PIEZO2: variants seen among roughly 807,000 people sequenced by gnomAD.
The protein encoded by PIEZO2 is piezo type mechanosensitive ion channel component 2.
In PIEZO2, 172 loss-of-function variants were observed where a neutral mutation model predicts 337.3. That is an observed-to-expected ratio of 0.51 (90% confidence interval 0.45 to 0.58). The LOEUF is 0.58. Among genes scored for constraint, PIEZO2 ranks in the 20% least tolerant of loss-of-function variants. The probability of loss-of-function intolerance (pLI) is 0.00; values close to 1 mark genes in which losing one functional copy is unlikely to be tolerated. For missense variants in PIEZO2, 3,028 were observed against 3,391.3 expected, an observed-to-expected ratio of 0.89 and a Z score of 2.66; for synonymous variants, 1,251 against 1,228.5, an observed-to-expected ratio of 1.02 and a Z score of -0.38.
At chr18:10,801,331 A>G (rs951460681) in intron 10 of PIEZO2, 59 bp downstream of exon 10, 1 of 1,379,494 alleles carries the variant, frequency 7.2e-7, no homozygotes, top group Non-Finnish European at 9.8e-7. Context: ...AGCTACTTCC[A>G]TTTGTTGCCT....
At chr18:10,897,958 G>A (rs1320609118) in intron 4 of PIEZO2, among the ~76,000 whole-genome samples, 1 of 152,202 alleles carries the variant, frequency 6.6e-6, no homozygotes, top group Non-Finnish European at 1.5e-5. Flanking sequence ...AGGTAGGCTG[G>A]TGCAAGCTCC....
At chr18:10,814,418 T>G (rs1363414838) in intron 7 of PIEZO2, among the ~76,000 whole-genome samples, 1 of 152,132 alleles carries the variant, frequency 6.6e-6, no homozygotes, top group Non-Finnish European at 1.5e-5. Flanking sequence ...CTAGAGGAAA[T>G]GTATTTTAAT....
At chr18:10,911,580 C>T (rs2030480181) in intron 3 of PIEZO2, among the ~76,000 whole-genome samples, 1 of 152,022 alleles carries the variant, frequency 6.6e-6, no homozygotes, top group Non-Finnish European at 1.5e-5. Flanking sequence ...CATGGTGAAA[C>T]CCTGTCTCAA....
intron 3 of PIEZO2, among the ~76,000 whole-genome samples, chr18:10,919,622 G>T (rs1315064641): frequency 6.6e-6 from 1 of 152,066 alleles, no homozygotes; most frequent in Non-Finnish European, 1.5e-5. Flanking sequence ...TCTCATCTAT[G>T]CATGGAGGGT....
intron 7 of PIEZO2, among the ~76,000 whole-genome samples, chr18:10,808,074 A>G (rs1387511091): frequency 6.6e-6 from 1 of 151,998 alleles, no homozygotes; most frequent in Non-Finnish European, 1.5e-5. Flanking sequence ...ATACCTTTCT[A>G]CTGTTTGCAT....
intron 18 of PIEZO2, among the ~76,000 whole-genome samples, chr18:10,779,697 T>C (rs2038911716): frequency 6.6e-6 from 1 of 152,248 alleles, no homozygotes; most frequent in Non-Finnish European, 1.5e-5. Flanking sequence ...GTGACTACTT[T>C]CTTTTCATTT....
chr18:10,714,941 T>C lies in PIEZO2; in HGVS notation c.5257-11A>G. ...AGTTGGAACATTGCCCTGAGGAGAATGAGACATTGCCACAGTTCTTATGGA... is the reference window on the plus strand; with the variant it reads ...AGTTGGAACATTGCCCTGAGGAGAACGAGACATTGCCACAGTTCTTATGGA... On this transcript the variant is annotated splice_polypyrimidine_tract_variant and intron_variant, in intron 38 of 55. Transcript: ENST00000674853. 6.5e-7 allele frequency: 1 copy of C among 1,536,430 alleles called. No individual in the cohort carries two copies. The highest frequency in any genetic ancestry group is 8.7e-7 in the Non-Finnish European group (1 of 1,146,394).
Position 11,146,934 on chromosome 18 carries a change from C to G in PIEZO2, c.64+1591G>C, listed in dbSNP as rs567109947. 6.6e-6 allele frequency among the ~76,000 whole-genome samples: 1 copy of G among 152,292 alleles called. No homozygotes were observed. The highest frequency in any genetic ancestry group is 1.9e-4 in the East Asian group (1 of 5,172). Reference sequence around the variant, plus strand: ...GGCCTTTAACCTTAGTGCCACTCCCCAGGACCCCTCCCCGGTCTGCACTGA... The same window carrying G: ...GGCCTTTAACCTTAGTGCCACTCCCGAGGACCCCTCCCCGGTCTGCACTGA... On this transcript the variant is annotated intron_variant, in intron 1 of 55. Transcript: ENST00000674853. The surrounding 1 kb of genome is among the most constrained non-coding windows in gnomAD (Gnocchi z 6.1).
At chr18:10,843,624 CTAAA>C (rs1447860632) in intron 7 of PIEZO2, among the ~76,000 whole-genome samples, 1 of 152,140 alleles carries the variant, frequency 6.6e-6, no homozygotes, top group Non-Finnish European at 1.5e-5. Flanking sequence ...TTTTGAAAGA[CTAAA>C]TGTAGAAAGG....
intron 26 of PIEZO2, among the ~76,000 whole-genome samples, chr18:10,758,612 A>AT (rs1273056385): frequency 2.0e-5 from 3 of 151,986 alleles, no homozygotes; most frequent in Admixed American, 6.6e-5. Context: ...TGCCTGGCTA[A>AT]TTTTTTTTAC....
intron 2 of PIEZO2, among the ~76,000 whole-genome samples, chr18:10,996,893 T>G (rs2035342772): frequency 6.6e-6 from 1 of 152,114 alleles, no homozygotes; most frequent in Non-Finnish European, 1.5e-5. Context: ...CCATCCCAAA[T>G]TTATATCTCT....
At chr18:10,740,079 G>A (rs1343890636) in intron 33 of PIEZO2, 1 of 104,078 alleles carries the variant, frequency 9.6e-6, no homozygotes, top group Non-Finnish European at 2.0e-5. Flanking sequence ...CAAGTATGGA[G>A]ACATCATGTA....
Position 10,855,427 on chromosome 18 carries a change from T to C in PIEZO2, c.843A>G (p.Gly281=), listed in dbSNP as rs1369175726. 3 of 1,537,104 alleles carry C rather than the reference T, an allele frequency of 2.0e-6. No individual in the cohort carries two copies. The Admixed American group carries it at 5.9e-5, about 30-fold the overall frequency. The change falls in exon 7 of 56, where the codon GGA becomes GGG. Residue 281 remains glycine, a synonymous_variant. Coordinates refer to ENST00000674853, the MANE Select transcript of PIEZO2 (RefSeq NM_001378183.1). This position sits in a 1 kb window ranked among gnomAD's most constrained non-coding sequence, Gnocchi z 4.9. ...GGTATAAATAAAGTCCAATCAAATG[T>C]CCAGCAGTGAAAATAGCCAGCAGAA... ...LCVLLAIFTA[G]HLIGLYLYQF...
chr18:10,720,234 G>GCGTGTATATATATATATATATATA (rs1555631512), intron 36 of PIEZO2, among the ~76,000 whole-genome samples: 6 of 119,914 alleles, frequency 5.0e-5, no homozygotes, highest in African/African-American at 2.0e-4. Context: ...GTGTGTGTGT[G>GCGTGTATATATATATATATATATA]TATATATATA....
intron 8 of PIEZO2, among the ~76,000 whole-genome samples, chr18:10,805,234 C>G (rs189212409): frequency 6.6e-6 from 1 of 152,324 alleles, no homozygotes; most frequent in Admixed American, 6.5e-5. Flanking sequence ...AGAAATAGTT[C>G]CCATCGTGGT....
chr18:10,792,910 C>A (rs1451134335), intron 13 of PIEZO2, among the ~76,000 whole-genome samples: 7 of 152,196 alleles, frequency 4.6e-5, no homozygotes, highest in Non-Finnish European at 1.0e-4. Flanking sequence ...GTGACCATTT[C>A]AACTTCTCCA....
rs1350395904 is a variant in PIEZO2 at position 10,750,044 on chromosome 18, C to T, written c.4264+47G>A. On this transcript the variant is annotated intron_variant, in intron 29 of 55. Coordinates refer to ENST00000674853, the MANE Select transcript of PIEZO2 (RefSeq NM_001378183.1). This position sits in a 1 kb window ranked among gnomAD's most constrained non-coding sequence, Gnocchi z 4.1. Reference sequence around the variant, plus strand: ...TTTAAAACTAGAACAATACAACTATCCTCCCTCTTCTGCCTTTCTGCCTTC... The same window carrying T: ...TTTAAAACTAGAACAATACAACTATTCTCCCTCTTCTGCCTTTCTGCCTTC... 1 of 1,362,266 alleles carries T rather than the reference C, an allele frequency of 7.3e-7. No homozygotes were observed. Among genetic ancestry groups the T allele is most frequent in the Non-Finnish European group, 1.0e-6 (1 of 987,438 alleles). The allele number at this position is 1,362,266 out of a possible 1,614,324, so 84.4% of individuals were successfully genotyped here.
chr18:11,122,994 G>T (rs2040072700), intron 1 of PIEZO2, among the ~76,000 whole-genome samples: 1 of 94,324 alleles, frequency 1.1e-5, no homozygotes. Context: ...CATATAATGT[G>T]CGGCTTTTTC....
At chr18:10,690,028 T>C (rs567088372) in intron 48 of PIEZO2, among the ~76,000 whole-genome samples, 1 of 152,366 alleles carries the variant, frequency 6.6e-6, no homozygotes, top group East Asian at 1.9e-4. Flanking sequence ...CTGATGATCA[T>C]AACCAACTGG....
Sources: allele counts gnomAD v4.1 joint callset (sites outside exome capture counted in the v4.1 genomes callset), GRCh38; gene constraint gnomAD v4.1.1; non-coding constraint Gnocchi (gnomAD v3.1); transcripts MANE v1.5; gene names NCBI Gene and HGNC (gene_info 2026-07-23, HGNC 2026-07-21).